Variants in SLC36A1 observed in about 807,000 individuals in gnomAD.
The protein encoded by SLC36A1 is proton-coupled amino acid transporter 1.
In SLC36A1, 30 loss-of-function variants were observed where a neutral mutation model predicts 47.5. That is an observed-to-expected ratio of 0.63 (90% CI 0.47 to 0.86). SLC36A1 has a LOEUF of 0.86. Ranked by LOEUF, SLC36A1 falls within the 40% of genes least tolerant of loss-of-function variation. SLC36A1 has a pLI of 0.00. For missense variants in SLC36A1, 517 were observed against 606.0 expected (o/e 0.85, Z 1.54); for synonymous variants, 255 against 249.7 (o/e 1.02, Z -0.20).
At position 151,467,132 on chromosome 5, in the gene SLC36A1, C is replaced by T. The variant is rs899673025; in HGVS notation, c.420-67C>T. 1.7e-5 allele frequency: 22 copies of T among 1,259,378 alleles called. No homozygotes were observed. The Admixed American group carries it at 2.3e-4, about 13-fold the overall frequency. 78.0% of individuals were successfully genotyped at this position (1,259,378 alleles called of 1,614,324 possible). On this transcript the variant is annotated intron_variant, in intron 5 of 10. Coordinates refer to ENST00000243389, the MANE Select transcript of SLC36A1 (RefSeq NM_078483.4). Reference sequence around the variant, plus strand: ...ATTAAAAAACAAAAACAAAAAACACCTCCCCTTCTGGGAGCATTGCATTTG... The same window carrying T: ...ATTAAAAAACAAAAACAAAAAACACTTCCCCTTCTGGGAGCATTGCATTTG...
At chr5:151,408,467 G>A in the SLC36A1 span, among the ~76,000 whole-genome samples, 2,270 of 152,214 alleles carry the variant, frequency 0.015, 72 homozygotes, top group African/African-American at 0.052. Flanking sequence ...GATTACAGGC[G>A]TGAACCACCG....
chr5:151,471,023 CT>C (rs1481079520), intron 7 of SLC36A1: 1 of 152,202 alleles, frequency 6.6e-6, no homozygotes, highest in African/African-American at 2.4e-5. Flanking sequence ...AAGAGTACAT[CT>C]CACAATCCAT....
intron 1 of SLC36A1, among the ~76,000 whole-genome samples, chr5:151,455,652 A>G (rs79519152): frequency 0.024 from 3,682 of 152,328 alleles, 143 homozygotes; most frequent in African/African-American, 0.083. Context: ...GTCAACCTAA[A>G]GGAAGAAGTT....
At chr5:151,551,650 T>C in the SLC36A1 span, 16 of 1,608,342 alleles carry the variant, frequency 9.9e-6, no homozygotes, top group South Asian at 1.8e-4. Context: ...CTCAGTGATT[T>C]AGGCAGCATA....
the SLC36A1 span, among the ~76,000 whole-genome samples, chr5:151,379,957 A>C: frequency 1.3e-5 from 2 of 151,196 alleles, no homozygotes; most frequent in East Asian, 3.9e-4. Context: ...GATAATCTAA[A>C]CTCTGATGTC....
chr5:151,386,659 A>G, the SLC36A1 span, among the ~76,000 whole-genome samples: 1 of 152,068 alleles, frequency 6.6e-6, no homozygotes, highest in Non-Finnish European at 1.5e-5. Flanking sequence ...GGCTTGTGCA[A>G]TTGGACACTC....
At chr5:151,395,019 G>T in the SLC36A1 span, among the ~76,000 whole-genome samples, 2 of 152,192 alleles carry the variant, frequency 1.3e-5, no homozygotes, top group African/African-American at 2.4e-5. Flanking sequence ...GTCTACAGAG[G>T]CAGGCAGGCC....
At chr5:151,513,818 T>A in the SLC36A1 span, among the ~76,000 whole-genome samples, 4 of 152,224 alleles carry the variant, frequency 2.6e-5, no homozygotes. Context: ...TATTTCTAAA[T>A]AAATTAATAC....
chr5:151,457,844 T>G (rs928110659), intron 1 of SLC36A1, among the ~76,000 whole-genome samples: 1 of 122,132 alleles, frequency 8.2e-6, no homozygotes. Context: ...TTTTTTTTTG[T>G]TGTTTGTTTG....
chr5:151,488,191 C>T lies in SLC36A1; in HGVS notation c.1368C>T (p.Leu456=), dbSNP rs763869330. The change falls in exon 11 of 11, where the codon CTC becomes CTT. Residue 456 remains leucine (L), a synonymous_variant. Transcript: ENST00000243389. ...TTGTGGTGGGGACCTATGAGGCTCT[C>T]TATGAGCTGATCCAGCCAAGCAATG... ...VGFVVGTYEA[L]YELIQPSNAP... is the part of the protein sequence containing the mutation. 1.2e-6 allele frequency: 2 copies of T among 1,614,208 alleles called. No individual in the cohort carries two copies. The highest frequency in any genetic ancestry group is 1.7e-6 in the Non-Finnish European group (2 of 1,180,044).
chr5:151,402,589 T>C, the SLC36A1 span, among the ~76,000 whole-genome samples: 1 of 152,204 alleles, frequency 6.6e-6, no homozygotes, highest in East Asian at 1.9e-4. Flanking sequence ...GTACATCTAA[T>C]AGAATTTGGC....
At chr5:151,462,472 C>T (rs958294831) in intron 2 of SLC36A1, among the ~76,000 whole-genome samples, 1 of 151,758 alleles carries the variant, frequency 6.6e-6, no homozygotes, top group African/African-American at 2.4e-5. Flanking sequence ...TCAAGCGATT[C>T]TTCTGCCTCA....
chr5:151,545,366 C>T, the SLC36A1 span: 1 of 1,614,130 alleles, frequency 6.2e-7, no homozygotes. Flanking sequence ...CTACCAGTGA[C>T]AGGATGGATG....
chr5:151,380,983 C>T, the SLC36A1 span: 4 of 390,044 alleles, frequency 1.0e-5, no homozygotes, highest in South Asian at 8.5e-5. Flanking sequence ...CCCTCCAACC[C>T]TATAACAGAG....
the SLC36A1 span, chr5:151,527,978 C>A: frequency 6.2e-7 from 1 of 1,613,022 alleles, no homozygotes; most frequent in Non-Finnish European, 8.5e-7. Context: ...CAGGGTGCGC[C>A]CCTCCCACAT....
the SLC36A1 span, chr5:151,549,521 G>A: frequency 6.2e-7 from 1 of 1,610,606 alleles, no homozygotes; most frequent in Non-Finnish European, 8.5e-7. Flanking sequence ...GGCCCAAAGG[G>A]GGTAATTGGG....
the SLC36A1 span, among the ~76,000 whole-genome samples, chr5:151,555,920 A>G: frequency 1.3e-5 from 2 of 152,270 alleles, no homozygotes; most frequent in South Asian, 2.1e-4. Context: ...AGGAATGCCT[A>G]TGTGATTTTA....
the SLC36A1 span, among the ~76,000 whole-genome samples, chr5:151,397,679 G>A: frequency 1.6e-4 from 23 of 143,838 alleles, no homozygotes; most frequent in Admixed American, 9.6e-4. Flanking sequence ...CGGGAGAATC[G>A]CTTGAATCCG....
the SLC36A1 span, among the ~76,000 whole-genome samples, chr5:151,515,255 T>C: frequency 6.6e-6 from 1 of 152,208 alleles, no homozygotes; most frequent in African/African-American, 2.4e-5. Flanking sequence ...GCATCACCGG[T>C]TACTCATGTT....
Sources: gnomAD v4.1 joint callset for allele counts (sites outside exome capture counted in the v4.1 genomes callset) on GRCh38, gnomAD v4.1.1 for gene constraint, MANE v1.5 for transcripts, NCBI Gene and HGNC (gene_info 2026-07-23, HGNC 2026-07-21) for gene names.